The following EYS variants were observed in gnomAD, a reference collection of about 807,000 sequenced individuals.
EYS encodes protein eyes shut homolog.
A neutral mutation model predicts 282.1 loss-of-function variants in EYS; 250 were observed. That is an observed-to-expected ratio of 0.89 (90% CI 0.80 to 0.98). The LOEUF (loss-of-function observed/expected upper bound fraction) is 0.98. Ranked by LOEUF, EYS falls within the 50% of genes least tolerant of loss-of-function variation. The probability of loss-of-function intolerance (pLI) is 0.00; values close to 1 mark genes in which losing one functional copy is unlikely to be tolerated. For synonymous variants in EYS, 1,355 were observed against 1,282.9 expected, an observed-to-expected ratio of 1.06 and a Z score of -1.20; for missense variants, 4,016 against 3,709.0, an observed-to-expected ratio of 1.08 and a Z score of -2.15.
At chr6:64,028,778 C>G (rs768959117) in intron 33 of EYS, among the ~76,000 whole-genome samples, 1 of 152,172 alleles carries the variant, frequency 6.6e-6, no homozygotes, top group Non-Finnish European at 1.5e-5. Context: ...TTCTGGCTAC[C>G]AGTTCAGAAG....
chr6:64,761,726 A>AC (rs1773166399), intron 22 of EYS, among the ~76,000 whole-genome samples: 1 of 152,168 alleles, frequency 6.6e-6, no homozygotes, highest in Non-Finnish European at 1.5e-5. Context: ...AAGTGCTGGG[A>AC]TTACAGGCGT....
At position 64,682,220 on chromosome 6, in the gene EYS, T is replaced by G. The variant is rs1269469388; in HGVS notation, c.3444-55975A>C. Reference sequence around the variant, plus strand: ...TCTACTAAAAATACAAAAACAAAATTAGCTGGGCGTGGTGGCGGGCGCCTG... The same window carrying G: ...TCTACTAAAAATACAAAAACAAAATGAGCTGGGCGTGGTGGCGGGCGCCTG... On this transcript the variant is annotated intron_variant, in intron 22 of 42. Coordinates refer to ENST00000503581, the MANE Select transcript of EYS (RefSeq NM_001142800.2). 3.3e-5 allele frequency among the ~76,000 whole-genome samples: 5 copies of G among 152,138 alleles called. No individual in the cohort carries two copies. The East Asian group carries it at 9.7e-4, about 29-fold the overall frequency.
intron 35 of EYS, among the ~76,000 whole-genome samples, chr6:63,946,008 T>C (rs1056414422): frequency 2.0e-5 from 3 of 152,220 alleles, no homozygotes; most frequent in African/African-American, 7.2e-5. Context: ...TTCAGGGTTC[T>C]CTTCATGATT....
intron 29 of EYS, among the ~76,000 whole-genome samples, chr6:64,321,460 C>A (rs537113916): frequency 1.7e-4 from 26 of 151,704 alleles, no homozygotes; most frequent in Admixed American, 7.2e-4. Flanking sequence ...CTTTTTTAGC[C>A]ACAAGCTAAA....
chr6:64,224,089 T>G (rs1021425052), intron 31 of EYS, among the ~76,000 whole-genome samples: 2 of 152,108 alleles, frequency 1.3e-5, no homozygotes, highest in African/African-American at 4.8e-5. Context: ...TAATCACATT[T>G]TATACCACAT....
At position 64,989,462 on chromosome 6, in the gene EYS, A is replaced by AATATATAT. The variant is rs372288581; in HGVS notation, c.2259+8112_2259+8119dup. On this transcript the variant is annotated intron_variant, in intron 14 of 42. Coordinates refer to ENST00000503581, the MANE Select transcript of EYS (RefSeq NM_001142800.2). ...AAGAGGCTATTTACTGGCTAGCTGT[A>AATATATAT]ATATATATATATATATATATATATA... Among the ~76,000 whole-genome samples the AATATATAT allele has an allele frequency of 2.6e-4, 26 of 101,174 alleles. 1 individual carries two copies. The highest frequency in any genetic ancestry group is 7.7e-4 in the Admixed American group (7 of 9,044). The allele number at this position is 101,174 out of a possible 152,430, so 66.4% of individuals were successfully genotyped here.
At chr6:65,144,917 G>A (rs1392247579) in intron 12 of EYS, among the ~76,000 whole-genome samples, 1 of 151,652 alleles carries the variant, frequency 6.6e-6, no homozygotes, top group African/African-American at 2.4e-5. Context: ...TTATAGGCAT[G>A]CCCCATCTCA....
intron 23 of EYS, among the ~76,000 whole-genome samples, chr6:64,619,576 C>G (rs1375870005): frequency 1.3e-5 from 2 of 152,158 alleles, no homozygotes; most frequent in Non-Finnish European, 2.9e-5. Flanking sequence ...AGTTAGGCTT[C>G]TACTCTCCCA....
At chr6:64,863,389 A>T (rs1766311139) in intron 19 of EYS, among the ~76,000 whole-genome samples, 1 of 152,186 alleles carries the variant, frequency 6.6e-6, no homozygotes, top group Non-Finnish European at 1.5e-5. Context: ...GCACATGGCA[A>T]TTCAAATGTC....
At chr6:64,636,545 C>T (rs1168739491) in intron 22 of EYS, among the ~76,000 whole-genome samples, 1 of 152,102 alleles carries the variant, frequency 6.6e-6, no homozygotes, top group African/African-American at 2.4e-5. Context: ...GACTTCATGT[C>T]TAAAACACCA....
intron 22 of EYS, among the ~76,000 whole-genome samples, chr6:64,785,464 T>C (rs972738308): frequency 2.0e-5 from 3 of 151,944 alleles, no homozygotes; most frequent in Admixed American, 6.5e-5. Context: ...ATAATTTTCT[T>C]ATTTCAGAAT....
intron 12 of EYS, among the ~76,000 whole-genome samples, chr6:65,219,766 T>C (rs1766412034): frequency 6.6e-6 from 1 of 152,094 alleles, no homozygotes; most frequent in Non-Finnish European, 1.5e-5. Flanking sequence ...GGTTGGGGAA[T>C]TCTCACAATC....
intron 18 of EYS, among the ~76,000 whole-genome samples, chr6:64,897,517 G>T (rs946976311): frequency 6.6e-6 from 1 of 152,172 alleles, no homozygotes; most frequent in African/African-American, 2.4e-5. Context: ...CAAAAAGGCT[G>T]AAAATTTTAA....
chr6:65,135,372 A>T (rs1339942770), intron 12 of EYS, among the ~76,000 whole-genome samples: 3 of 151,822 alleles, frequency 2.0e-5, no homozygotes, highest in Non-Finnish European at 4.4e-5. Context: ...TGTCACTGAA[A>T]TTTTTTTTCA....
At chr6:65,012,875 T>TA (rs5876936) in intron 13 of EYS, among the ~76,000 whole-genome samples, 96,454 of 148,342 alleles carry the variant, frequency 0.65, 33,591 homozygotes, top group East Asian at 0.99. Flanking sequence ...TTTCCTTCAA[T>TA]AAAAAAAAAT....
chr6:64,989,034 C>T (rs186037255), intron 14 of EYS, among the ~76,000 whole-genome samples: 3 of 151,240 alleles, frequency 2.0e-5, no homozygotes, highest in African/African-American at 7.3e-5. Flanking sequence ...TCTATTAATG[C>T]CTTGTATGGG....
chr6:65,475,742 C>G, intron 5 of EYS, among the ~76,000 whole-genome samples: 1 of 135,286 alleles, frequency 7.4e-6, no homozygotes. Flanking sequence ...CCCTGACAGA[C>G]AGACAGACAG....
intron 22 of EYS, among the ~76,000 whole-genome samples, chr6:64,684,591 A>AT (rs1280227305): frequency 1.9e-4 from 15 of 78,902 alleles, no homozygotes; most frequent in Non-Finnish European, 3.9e-4. Context: ...ATAGGAAAAA[A>AT]AATATATAGA....
At chr6:64,439,439 T>C (rs1774861854) in intron 26 of EYS, 87 bp from the exon 27 acceptor site, 1 of 834,254 alleles carries the variant, frequency 1.2e-6, no homozygotes, top group East Asian at 3.3e-5. Context: ...ATATGTTTTC[T>C]CTAATGACTC....
Sources: gnomAD v4.1 joint callset for allele counts (sites outside exome capture counted in the v4.1 genomes callset) on GRCh38, gnomAD v4.1.1 for gene constraint, MANE v1.5 for transcripts, NCBI Gene and HGNC (gene_info 2026-07-23, HGNC 2026-07-21) for gene names.